SLC39A12: variants seen among roughly 807,000 people sequenced by gnomAD.
The protein encoded by SLC39A12 is zinc transporter ZIP12.
In SLC39A12, 63 loss-of-function variants were observed where a neutral mutation model predicts 71.1. The observed-to-expected ratio is 0.89, with a 90% CI of 0.72 to 1.09. The LOEUF is 1.09. SLC39A12 is among the 50% of genes least tolerant of loss of function. The pLI is 0.00. For missense variants in SLC39A12, 892 were observed against 812.6 expected, an observed-to-expected ratio of 1.10 and a Z score of -1.19; for synonymous variants, 351 against 301.3, an observed-to-expected ratio of 1.16 and a Z score of -1.71.
At chr10:18,036,952 A>T (rs1184267728) in intron 12 of SLC39A12, among the ~76,000 whole-genome samples, 1 of 151,116 alleles carries the variant, frequency 6.6e-6, no homozygotes, top group Non-Finnish European at 1.5e-5. Flanking sequence ...ATGCCTGGCT[A>T]ATTTTTGTGT....
chr10:17,974,735 T>C (rs1207947016), intron 4 of SLC39A12, among the ~76,000 whole-genome samples: 1 of 152,092 alleles, frequency 6.6e-6, no homozygotes, highest in African/African-American at 2.4e-5. Context: ...AGCACAGCAC[T>C]GGGTCTCACC....
intron 12 of SLC39A12, among the ~76,000 whole-genome samples, chr10:18,038,279 A>T (rs764393199): frequency 6.6e-6 from 1 of 152,106 alleles, no homozygotes; most frequent in Non-Finnish European, 1.5e-5. Context: ...CTCATAAAAG[A>T]TGCATTCAAT....
intron 2 of SLC39A12, among the ~76,000 whole-genome samples, chr10:17,959,180 T>TG (rs1225906681): frequency 6.6e-6 from 1 of 152,180 alleles, no homozygotes; most frequent in Non-Finnish European, 1.5e-5. Context: ...ATTCGCTTTT[T>TG]GGGTCTTGGT....
At chr10:17,987,767 G>C (rs1835440300) in intron 7 of SLC39A12, 116 bp downstream of exon 7, 2 of 1,080,448 alleles carry the variant, frequency 1.9e-6, no homozygotes, top group South Asian at 1.5e-5. Flanking sequence ...ATCGTGGCTG[G>C]TGTTTTCCTT....
chr10:18,041,757 G>GTC (rs1837251767), intron 12 of SLC39A12, among the ~76,000 whole-genome samples: 1 of 121,168 alleles, frequency 8.3e-6, no homozygotes, highest in African/African-American at 2.8e-5. Context: ...GTATATATGT[G>GTC]TATACATATG....
At chr10:18,002,802 T>C (rs902090744) in intron 11 of SLC39A12, 2 of 163,988 alleles carry the variant, frequency 1.2e-5, no homozygotes, top group Admixed American at 1.3e-4. Flanking sequence ...TGTCATGATT[T>C]CACCTGGCAA....
chr10:17,958,353 C>T (rs1469783528), intron 2 of SLC39A12, among the ~76,000 whole-genome samples: 2 of 152,152 alleles, frequency 1.3e-5, no homozygotes, highest in Non-Finnish European at 2.9e-5. Context: ...CCCCATCAAA[C>T]AACCTGAGTA....
intron 12 of SLC39A12, among the ~76,000 whole-genome samples, chr10:18,042,083 C>G (rs973825162): frequency 2.0e-5 from 3 of 151,826 alleles, no homozygotes; most frequent in Non-Finnish European, 2.9e-5. Context: ...ATAGAACAGT[C>G]CAAAATAATA....
intron 12 of SLC39A12, among the ~76,000 whole-genome samples, chr10:18,022,323 T>A (rs914120511): frequency 2.6e-5 from 4 of 152,154 alleles, no homozygotes; most frequent in Non-Finnish European, 4.4e-5. Context: ...GTTTATTTTT[T>A]TTTTTTAGTT....
intron 12 of SLC39A12, among the ~76,000 whole-genome samples, chr10:18,003,798 A>G (rs774704433): frequency 6.6e-6 from 1 of 152,234 alleles, no homozygotes; most frequent in Non-Finnish European, 1.5e-5. Flanking sequence ...TTAAATAGCC[A>G]GCTATTTTAT....
intron 12 of SLC39A12, among the ~76,000 whole-genome samples, chr10:18,041,802 T>C (rs1038392601): frequency 3.5e-5 from 5 of 143,978 alleles, no homozygotes; most frequent in African/African-American, 5.1e-5. Flanking sequence ...TCTATATGTA[T>C]ATACATATGT....
intron 3 of SLC39A12, among the ~76,000 whole-genome samples, chr10:17,964,208 C>T (rs1011564773): frequency 1.3e-4 from 20 of 152,184 alleles, no homozygotes; most frequent in African/African-American, 4.1e-4. Context: ...CTCATGCTTC[C>T]GTGAAGTTCA....
At position 18,003,196 on chromosome 10, in the gene SLC39A12, T is replaced by C; in HGVS notation, c.1785T>C (p.Ser595=). ...EMGDFAVLLS[S]GLSMKTAILM... The stretch of plus-strand genomic sequence containing the variant: ...GAGACTTTGCCGTGCTCTTAAGCTC[T>C]GGACTTTCTATGAAGACTGCCATCC... The change falls in exon 12 of 13, where the codon TCT becomes TCC. Residue 595 remains serine, a synonymous_variant. Transcript: ENST00000377369. 1 of 1,614,100 alleles carries C rather than the reference T, an allele frequency of 6.2e-7. No homozygotes were observed. The highest frequency in any genetic ancestry group is 8.5e-7 in the Non-Finnish European group (1 of 1,179,996).
intron 12 of SLC39A12, among the ~76,000 whole-genome samples, chr10:18,010,915 G>A (rs1221229395): frequency 6.6e-6 from 1 of 152,060 alleles, no homozygotes; most frequent in Middle Eastern, 3.2e-3. Flanking sequence ...GTGAAGATGA[G>A]GATGAAGACC....
intron 3 of SLC39A12, among the ~76,000 whole-genome samples, chr10:17,965,052 C>T (rs1230036674): frequency 6.6e-6 from 1 of 151,872 alleles, no homozygotes; most frequent in African/African-American, 2.4e-5. Context: ...ACTAAAAATA[C>T]AAAAATTAGC....
chr10:17,983,334 G>A (rs1373060088), intron 6 of SLC39A12, among the ~76,000 whole-genome samples: 2 of 151,852 alleles, frequency 1.3e-5, no homozygotes, highest in African/African-American at 2.4e-5. Context: ...CTACAAAAAC[G>A]AAAATTAGCC....
Position 17,991,141 on chromosome 10 carries a change from T to TCCC in SLC39A12, c.1270-8_1270-6dup, listed in dbSNP as rs1554851667. The stretch of plus-strand genomic sequence containing the variant: ...TCTCTCTGCCTTTTTTTTTTTTTTT[T>TCCC]CCCCTGAAGGTTCTTGGTTTACATA... On this transcript the variant is annotated splice_polypyrimidine_tract_variant and intron_variant, in intron 7 of 12. Coordinates refer to ENST00000377369, the MANE Select transcript of SLC39A12 (RefSeq NM_001145195.2). The TCCC allele has an allele frequency of 6.6e-7, 1 of 1,522,520 alleles. No homozygotes were observed. Among genetic ancestry groups the TCCC allele is most frequent in the Non-Finnish European group, 8.7e-7 (1 of 1,145,972 alleles). The allele number at this position is 1,522,520 out of a possible 1,614,324, so 94.3% of individuals were successfully genotyped here.
At chr10:18,029,902 T>C (rs1836788872) in intron 12 of SLC39A12, among the ~76,000 whole-genome samples, 1 of 151,296 alleles carries the variant, frequency 6.6e-6, no homozygotes, top group Non-Finnish European at 1.5e-5. Flanking sequence ...AAAAAATATA[T>C]ACATATATGG....
intron 12 of SLC39A12, among the ~76,000 whole-genome samples, chr10:18,036,794 A>ATATTTTTTTTTTTT (rs1554855475): frequency 2.2e-5 from 2 of 92,894 alleles, no homozygotes; most frequent in African/African-American, 9.0e-5. Flanking sequence ...ATATATATAT[A>ATATTTTTTTTTTTT]TTTTTTTTTT....
Sources: gnomAD v4.1 joint callset for allele counts (sites outside exome capture counted in the v4.1 genomes callset) on GRCh38, gnomAD v4.1.1 for gene constraint, MANE v1.5 for transcripts, NCBI Gene and HGNC (gene_info 2026-07-23, HGNC 2026-07-21) for gene names.